Variants in PRP4K observed in about 807,000 individuals in gnomAD.
The protein encoded by PRP4K is pre-mRNA processing factor kinase PRP4K.
At chr6:4,056,832 A>C in the PRP4K span, 2 of 1,079,182 alleles carry the variant, frequency 1.9e-6, no homozygotes, top group Non-Finnish European at 2.6e-6. Context: ...TTCCTCCCCT[A>C]CACCTCCATT....
chr6:4,053,674 T>C, the PRP4K span, among the ~76,000 whole-genome samples: 1 of 152,208 alleles, frequency 6.6e-6, no homozygotes, highest in Non-Finnish European at 1.5e-5. Flanking sequence ...TACTTTACCC[T>C]GTTTTGTGGC....
At chr6:4,023,134 A>G in the PRP4K span, among the ~76,000 whole-genome samples, 22 of 152,360 alleles carry the variant, frequency 1.4e-4, no homozygotes, top group East Asian at 4.2e-3. Context: ...AACAAAGAAG[A>G]TAACCATTTG....
chr6:4,049,410 C>T, the PRP4K span: 1 of 451,278 alleles, frequency 2.2e-6, no homozygotes, highest in South Asian at 4.1e-5. Context: ...GATCTGAAAC[C>T]AAGAAAAACG....
chr6:4,048,725 A>T, the PRP4K span, among the ~76,000 whole-genome samples: 100 of 148,210 alleles, frequency 6.7e-4, no homozygotes, highest in South Asian at 2.8e-3. Flanking sequence ...ATGCCACTAC[A>T]CCTGGCGCTT....
the PRP4K span, chr6:4,032,444 C>A: frequency 2.5e-6 from 4 of 1,613,882 alleles, no homozygotes; most frequent in Non-Finnish European, 3.4e-6. Context: ...GGTCACGGTC[C>A]AAAGAGAGAA....
At chr6:4,022,477 TG>T in the PRP4K span, among the ~76,000 whole-genome samples, 14 of 70,240 alleles carry the variant, frequency 2.0e-4, no homozygotes, top group African/African-American at 9.7e-4. Flanking sequence ...TTTTGTTTTT[TG>T]TTTTTTTTTG....
chr6:4,040,693 TC>T, the PRP4K span: 1 of 1,381,192 alleles, frequency 7.2e-7, no homozygotes, highest in Non-Finnish European at 9.9e-7. Flanking sequence ...TTTCTATATA[TC>T]CCCTGTGCCC....
the PRP4K span, among the ~76,000 whole-genome samples, chr6:4,048,134 T>G: frequency 6.6e-6 from 1 of 152,014 alleles, no homozygotes; most frequent in Non-Finnish European, 1.5e-5. Flanking sequence ...ATCCCAGCAC[T>G]TTGGGAGGCC....
At chr6:4,033,733 A>C in the PRP4K span, among the ~76,000 whole-genome samples, 1 of 152,208 alleles carries the variant, frequency 6.6e-6, no homozygotes, top group African/African-American at 2.4e-5. Context: ...CTGAAAGTGA[A>C]GTCATCATAT....
At chr6:4,045,731 T>G in the PRP4K span, among the ~76,000 whole-genome samples, 1 of 152,348 alleles carries the variant, frequency 6.6e-6, no homozygotes, top group African/African-American at 2.4e-5. Context: ...ATACTAACTG[T>G]GGCTTAAAAT....
At chr6:4,056,889 G>T in the PRP4K span, 1 of 1,089,654 alleles carries the variant, frequency 9.2e-7, no homozygotes, top group Non-Finnish European at 1.3e-6. Flanking sequence ...TAGTGGGAAA[G>T]AACACAAAAC....
At chr6:4,021,325 CG>C in the PRP4K span, 1 of 1,485,628 alleles carries the variant, frequency 6.7e-7, no homozygotes, top group African/African-American at 1.4e-5. Flanking sequence ...CCTACACGGT[CG>C]GCACATGCGC....
chr6:4,046,047 A>G, the PRP4K span, among the ~76,000 whole-genome samples: 2 of 152,212 alleles, frequency 1.3e-5, no homozygotes, highest in African/African-American at 4.8e-5. Flanking sequence ...AGACTTTGAT[A>G]TTTGAATTGT....
At chr6:4,054,266 C>T in the PRP4K span, among the ~76,000 whole-genome samples, 1 of 151,970 alleles carries the variant, frequency 6.6e-6, no homozygotes, top group Non-Finnish European at 1.5e-5. Context: ...TAATCAATAA[C>T]TAAGCTATTT....
At chr6:4,036,326 A>G in the PRP4K span, among the ~76,000 whole-genome samples, 125 of 152,178 alleles carry the variant, frequency 8.2e-4, no homozygotes, top group Non-Finnish European at 1.6e-3. Context: ...GGCTTACACA[A>G]TCCTCCCACT....
chr6:4,032,299 A>G, the PRP4K span: 6 of 1,613,372 alleles, frequency 3.7e-6, no homozygotes, highest in Admixed American at 3.3e-5. Context: ...CCTACTGATG[A>G]TAAGGTTAAA....
chr6:4,037,402 G>A, the PRP4K span: 32 of 1,601,390 alleles, frequency 2.0e-5, no homozygotes, highest in Non-Finnish European at 2.4e-5. Context: ...TTAAGAACAC[G>A]ACCTCGAGAT....
the PRP4K span, chr6:4,044,167 T>C: frequency 1.5e-6 from 1 of 686,052 alleles, no homozygotes; most frequent in Non-Finnish European, 2.4e-6. Flanking sequence ...AATATAATAT[T>C]AAATATGTCC....
chr6:4,058,068 C>T, the PRP4K span, among the ~76,000 whole-genome samples: 2 of 152,054 alleles, frequency 1.3e-5, no homozygotes, highest in Admixed American at 6.6e-5. Context: ...GACTGGAGTA[C>T]AGTTATAGCT....
Sources: gnomAD v4.1 joint callset for allele counts (sites outside exome capture counted in the v4.1 genomes callset) on GRCh38, gnomAD v4.1.1 for gene constraint, MANE v1.5 for transcripts, NCBI Gene and HGNC (gene_info 2026-07-23, HGNC 2026-07-21) for gene names.